The following USP3 variants were observed in gnomAD, a reference collection of about 807,000 sequenced individuals.
The protein encoded by USP3 is ubiquitin specific peptidase 3.
Under a neutral mutation model 72.3 loss-of-function variants are expected in USP3, and 20 were observed. That is an observed-to-expected ratio of 0.28 (90% CI 0.19 to 0.40). USP3 has a LOEUF of 0.40. Among genes scored for constraint, USP3 ranks in the 10% least tolerant of loss-of-function variants. USP3 has a pLI of 1.00. For missense variants in USP3, 479 were observed against 633.9 expected (o/e 0.76, Z 2.62); for synonymous variants, 222 against 225.3 (o/e 0.99, Z 0.13).
intron 4 of USP3, chr15:63,556,176 C>T (rs1191188038): frequency 6.6e-6 from 1 of 152,324 alleles, no homozygotes; most frequent in Non-Finnish European, 1.5e-5. Flanking sequence ...GCCTGTATTC[C>T]TGTAACTTAT....
intron 1 of USP3, among the ~76,000 whole-genome samples, chr15:63,518,802 G>A (rs1427809741): frequency 6.6e-6 from 1 of 151,166 alleles, no homozygotes; most frequent in African/African-American, 2.4e-5. Context: ...GTCTTGCTCC[G>A]TTGCCCAGGC....
At chr15:63,552,828 A>T (rs536871927) in intron 3 of USP3, among the ~76,000 whole-genome samples, 1 of 152,116 alleles carries the variant, frequency 6.6e-6, no homozygotes, top group African/African-American at 2.4e-5. Flanking sequence ...TGTGCTTTCA[A>T]AGTTTTGTTT....
chr15:63,584,399 G>T (rs1239701523), intron 11 of USP3, among the ~76,000 whole-genome samples: 1 of 152,086 alleles, frequency 6.6e-6, no homozygotes, highest in East Asian at 1.9e-4. Flanking sequence ...CACCCAGCCG[G>T]TACAAAGGTT....
rs1216026051 is a variant in USP3 at position 63,570,837 on chromosome 15, A to C, written c.908+258A>C. Among the ~76,000 whole-genome samples the C allele has an allele frequency of 6.6e-6, 1 of 152,216 alleles. No individual in the cohort carries two copies. The highest frequency in any genetic ancestry group is 1.5e-5 in the Non-Finnish European group (1 of 68,030). On this transcript the variant is annotated intron_variant, in intron 9 of 14. Coordinates refer to ENST00000380324, the MANE Select transcript of USP3 (RefSeq NM_006537.4). The surrounding 1 kb of genome is among the most constrained non-coding windows in gnomAD (Gnocchi z 4.4). ...TTATTTTAAATTTTGAAAAAATAGA[A>C]AATATTTGTACAGTTCAGCATTTAG...
At chr15:63,508,812 AG>A (rs1263143417) in intron 1 of USP3, among the ~76,000 whole-genome samples, 1 of 152,206 alleles carries the variant, frequency 6.6e-6, no homozygotes, top group Non-Finnish European at 1.5e-5. Flanking sequence ...GATATTTAGT[AG>A]GATAGGCATG....
At chr15:63,512,164 C>T (rs2065792225) in intron 1 of USP3, among the ~76,000 whole-genome samples, 1 of 151,900 alleles carries the variant, frequency 6.6e-6, no homozygotes. Context: ...ACTCAAATTC[C>T]TGACCTCGTG....
chr15:63,571,634 G>C (rs1041397618), intron 9 of USP3, among the ~76,000 whole-genome samples: 4 of 152,112 alleles, frequency 2.6e-5, no homozygotes, highest in African/African-American at 9.7e-5. Flanking sequence ...ATATTGAACT[G>C]GGCACTATCA....
intron 1 of USP3, among the ~76,000 whole-genome samples, chr15:63,516,011 T>G (rs1467433346): frequency 5.9e-5 from 9 of 152,244 alleles, no homozygotes; most frequent in Non-Finnish European, 1.3e-4. Context: ...AAGACTTCAG[T>G]GTTTGCACCA....
intron 1 of USP3, among the ~76,000 whole-genome samples, chr15:63,513,078 A>G (rs1012992525): frequency 6.6e-6 from 1 of 152,216 alleles, no homozygotes; most frequent in African/African-American, 2.4e-5. Flanking sequence ...CAGTAGCTCT[A>G]TCAGTGTGAG....
In USP3 at chr15:63,505,217, GC is replaced by G. The variant is rs1226112273; in HGVS notation, c.91+388del. On this transcript the variant is annotated intron_variant, in intron 1 of 14. Transcript: ENST00000380324. ...GGGGCGGGTGTCCGGCCCCCGAGGG[GC>G]GGCCGCACGTGTGGCGGGGCCCGCG... Among the ~76,000 whole-genome samples, 18 of 152,192 alleles carry G rather than the reference GC, an allele frequency of 1.2e-4. No homozygotes were observed. The East Asian group carries it at 3.3e-3, about 28-fold the overall frequency.
intron 1 of USP3, among the ~76,000 whole-genome samples, chr15:63,507,995 C>G (rs959231475): frequency 6.6e-6 from 1 of 152,112 alleles, no homozygotes; most frequent in Non-Finnish European, 1.5e-5. Context: ...TTTTGTAACT[C>G]TTTGTTCAGC....
chr15:63,529,189 T>C lies in USP3; in HGVS notation c.92-3458T>C, dbSNP rs2066030314. 1 of 582,112 alleles carries C rather than the reference T, an allele frequency of 1.7e-6. No individual in the cohort carries two copies. Among genetic ancestry groups the C allele is most frequent in the South Asian group, 1.6e-5 (1 of 62,936 alleles). 36.1% of individuals were successfully genotyped at this position (582,112 alleles called of 1,614,324 possible). The stretch of plus-strand genomic sequence containing the variant: ...CAGGTAGTAAAGTGGTTTTTTTTTT[T>C]TTCTTTTTTTTGAGATATATTAAAA... On this transcript the variant is annotated intron_variant, in intron 1 of 14. Coordinates refer to ENST00000380324, the MANE Select transcript of USP3 (RefSeq NM_006537.4). The surrounding 1 kb of genome is among the most constrained non-coding windows in gnomAD (Gnocchi z 4.2).
In USP3 at chr15:63,588,479, T is replaced by TA; in HGVS notation, c.1215+58dup. 1 of 1,263,220 alleles carries TA rather than the reference T, an allele frequency of 7.9e-7. No individual in the cohort carries two copies. Among genetic ancestry groups the TA allele is most frequent in the East Asian group, 2.3e-5 (1 of 43,410 alleles). The allele number at this position is 1,263,220 out of a possible 1,614,324, so 78.3% of individuals were successfully genotyped here. A position where few individuals can be genotyped will look rare whatever the true frequency, so the allele number is the denominator to read the frequency against. On this transcript the variant is annotated intron_variant, in intron 12 of 14. Transcript: ENST00000380324. This position sits in a 1 kb window ranked among gnomAD's most constrained non-coding sequence, Gnocchi z 4.6. ...TTTCAATGGGAAAGTGCTTGACTGC[T>TA]AAGACCATGTCTATAACTTTACACT...
At chr15:63,554,213 A>G (rs1349118154) in intron 4 of USP3, among the ~76,000 whole-genome samples, 1 of 152,190 alleles carries the variant, frequency 6.6e-6, no homozygotes, top group Non-Finnish European at 1.5e-5. Flanking sequence ...ATCATTTTTA[A>G]GGGAAATTAG....
At chr15:63,514,328 C>T (rs1207839836) in intron 1 of USP3, among the ~76,000 whole-genome samples, 6 of 151,618 alleles carry the variant, frequency 4.0e-5, no homozygotes, top group East Asian at 1.9e-4. Flanking sequence ...AAAAAAATTC[C>T]GACTCTTGGT....
At chr15:63,522,865 T>G (rs2065937227) in intron 1 of USP3, among the ~76,000 whole-genome samples, 3 of 152,206 alleles carry the variant, frequency 2.0e-5, no homozygotes, top group African/African-American at 7.2e-5. Flanking sequence ...AAGGGTATAT[T>G]ATGGTTGATG....
intron 2 of USP3, chr15:63,533,927 T>TA: frequency 9.3e-7 from 1 of 1,074,608 alleles, no homozygotes; most frequent in South Asian, 2.1e-5. Context: ...AGGTGAGAAT[T>TA]ATAATGCAAT....
chr15:63,588,354 A>T lies in USP3; in HGVS notation c.1146A>T (p.Leu382Phe), dbSNP rs2067117518. ...TDLEELDETE[L>F]YMCHKCKKKQ... ...TAGAAGAACTTGATGAGACAGAGTT[A>T]TATATGTGCCATAAATGCAAAAAGA... Residue 382 changes from leucine to phenylalanine, a missense_variant, in exon 12 of 15, where the codon TTA becomes TTT. Transcript: ENST00000380324. The surrounding 1 kb of genome is among the most constrained non-coding windows in gnomAD (Gnocchi z 4.6). 1.2e-6 allele frequency: 2 copies of T among 1,607,696 alleles called. No homozygotes were observed. The highest frequency in any genetic ancestry group is 1.7e-6 in the Non-Finnish European group (2 of 1,178,434).
In USP3 at chr15:63,588,437, T is replaced by A. The variant is rs2067118830; in HGVS notation, c.1215+14T>A. 1.3e-6 allele frequency: 2 copies of A among 1,570,706 alleles called. No homozygotes were observed. Among genetic ancestry groups the A allele is most frequent in the East Asian group, 4.5e-5 (2 of 44,642 alleles). On this transcript the variant is annotated intron_variant, in intron 12 of 14. Transcript: ENST00000380324. The surrounding 1 kb of genome is among the most constrained non-coding windows in gnomAD (Gnocchi z 4.6). Reference sequence around the variant, plus strand: ...AAACTACCCAAGGTGAGTGTTGAATTTTGAGTTATGAAGCAATTTCAATGG... The same window carrying A: ...AAACTACCCAAGGTGAGTGTTGAATATTGAGTTATGAAGCAATTTCAATGG...
Sources: gnomAD v4.1 joint callset for allele counts (sites outside exome capture counted in the v4.1 genomes callset) on GRCh38, gnomAD v4.1.1 for gene constraint, Gnocchi (gnomAD v3.1) non-coding constraint, MANE v1.5 for transcripts, NCBI Gene and HGNC (gene_info 2026-07-23, HGNC 2026-07-21) for gene names.